KLHL18: variants seen among roughly 807,000 people sequenced by gnomAD.
KLHL18 encodes the protein kelch like family member 18, also known as kelch-like protein 18.
Under a neutral mutation model 58.5 loss-of-function variants are expected in KLHL18, and 38 were observed. That is an observed-to-expected ratio of 0.65 (90% CI 0.50 to 0.85). The LOEUF (loss-of-function observed/expected upper bound fraction) is 0.85, where lower values mean the gene tolerates loss of function less well. Ranked by LOEUF, KLHL18 falls within the 40% of genes least tolerant of loss-of-function variation. KLHL18 has a pLI of 0.00. For missense variants in KLHL18, 624 were observed against 778.4 expected (o/e 0.80, Z 2.36); for synonymous variants, 303 against 301.9 (o/e 1.00, Z -0.04).
In KLHL18 at chr3:47,334,431, GT is replaced by G. The variant is rs1009627714; in HGVS notation, c.762-247del. Among the ~76,000 whole-genome samples, 8 of 151,504 alleles carry G rather than the reference GT, an allele frequency of 5.3e-5. No individual in the cohort carries two copies. Among genetic ancestry groups the G allele is most frequent in the Non-Finnish European group, 1.2e-4 (8 of 67,824 alleles). The stretch of plus-strand genomic sequence containing the variant: ...GTCCAGCCATTTTGGCCACTACCTT[GT>G]TTTTCTCATGCCTAATCTACACTAG... On this transcript the variant is annotated intron_variant, in intron 5 of 9. Transcript: ENST00000232766. The surrounding 1 kb of genome is among the most constrained non-coding windows in gnomAD (Gnocchi z 4.7).
At chr3:47,320,056 T>A (rs1361917264) in intron 2 of KLHL18, among the ~76,000 whole-genome samples, 1 of 151,344 alleles carries the variant, frequency 6.6e-6, no homozygotes, top group Non-Finnish European at 1.5e-5. Flanking sequence ...TTTTTTTGAC[T>A]GGGGCTGGGT....
chr3:47,330,783 T>C (rs1267485261), intron 4 of KLHL18, among the ~76,000 whole-genome samples: 1 of 152,154 alleles, frequency 6.6e-6, no homozygotes, highest in Non-Finnish European at 1.5e-5. Flanking sequence ...CAAGCTGGAG[T>C]GCAGTGGTGC....
chr3:47,338,881 C>G (rs1482451615), intron 7 of KLHL18: 1 of 152,148 alleles, frequency 6.6e-6, no homozygotes, highest in African/African-American at 2.4e-5. Flanking sequence ...TTGTTAGAAA[C>G]CTAGATTCAT....
Position 47,334,762 on chromosome 3 carries a change from C to T in KLHL18, c.841C>T (p.Arg281Cys), listed in dbSNP as rs200414388. Residue 281 changes from arginine to cysteine, a missense_variant, in exon 6 of 10, where the codon CGC becomes TGC. Arg to Cys is a radical substitution (Grantham distance 180). Coordinates refer to ENST00000232766, the MANE Select transcript of KLHL18 (RefSeq NM_025010.5). The surrounding 1 kb of genome is among the most constrained non-coding windows in gnomAD (Gnocchi z 4.7). ...PHLPAFRTRP[R>C]CCTSIAGLIY... ...CCTGCCAGCTTTCAGAACCCGGCCA[C>T]GCTGCTGCACATCCATCGCTGGACT... 34 of 1,614,078 alleles carry T rather than the reference C, an allele frequency of 2.1e-5. No homozygotes were observed. In the Admixed American group the frequency reaches 5.0e-4, roughly 24 times the overall value.
chr3:47,315,249 AGAATTG>A (rs879793472), intron 1 of KLHL18, among the ~76,000 whole-genome samples: 16 of 152,176 alleles, frequency 1.1e-4, no homozygotes, highest in Non-Finnish European at 1.9e-4. Flanking sequence ...GAATTGTTCC[AGAATTG>A]GAGACACCAA....
intron 8 of KLHL18, among the ~76,000 whole-genome samples, chr3:47,342,449 G>T (rs1178994955): frequency 6.6e-6 from 1 of 152,260 alleles, no homozygotes; most frequent in Non-Finnish European, 1.5e-5. Flanking sequence ...AAGGCAGGGA[G>T]TGCAGGGAGG....
At chr3:47,304,907 C>G (rs1559490598) in intron 1 of KLHL18, among the ~76,000 whole-genome samples, 2 of 151,868 alleles carry the variant, frequency 1.3e-5, no homozygotes, top group African/African-American at 4.8e-5. Flanking sequence ...ACCTGTAGTC[C>G]CAACTACTTG....
intron 1 of KLHL18, among the ~76,000 whole-genome samples, chr3:47,311,740 C>T (rs1703306159): frequency 6.6e-6 from 1 of 152,150 alleles, no homozygotes; most frequent in African/African-American, 2.4e-5. Flanking sequence ...AACATATGAA[C>T]ATATAAGTTA....
intron 1 of KLHL18, among the ~76,000 whole-genome samples, chr3:47,305,512 C>T (rs1049900563): frequency 6.6e-6 from 1 of 151,692 alleles, no homozygotes; most frequent in African/African-American, 2.4e-5. Context: ...ATTCTGTTTG[C>T]TGATATTTTG....
At position 47,344,845 on chromosome 3, in the gene KLHL18, G is replaced by A. The variant is rs372620478; in HGVS notation, c.*904G>A. 4.6e-5 allele frequency: 7 copies of A among 152,780 alleles called. No homozygotes were observed. The highest frequency in any genetic ancestry group is 1.7e-4 in the African/African-American group (7 of 41,554). The allele number at this position is 152,780 out of a possible 1,614,324, so 9.5% of individuals were successfully genotyped here. A position where few individuals can be genotyped will look rare whatever the true frequency, so the allele number is the denominator to read the frequency against. On this transcript the variant is annotated 3_prime_UTR_variant, in exon 10 of 10. Transcript: ENST00000232766. ...GGGTTCCCTCTGAGCCCCAGTGTGTGTGGAATCAGTGCACTCTTGACTGGG... is the reference window on the plus strand; with the variant it reads ...GGGTTCCCTCTGAGCCCCAGTGTGTATGGAATCAGTGCACTCTTGACTGGG...
chr3:47,300,309 A>ATATATATATATGTG (rs1244173185), intron 1 of KLHL18, among the ~76,000 whole-genome samples: 1 of 144,404 alleles, frequency 6.9e-6, no homozygotes, highest in Non-Finnish European at 1.5e-5. Flanking sequence ...ATATATATAT[A>ATATATATATATGTG]TGTGTGTATA....
At chr3:47,319,217 T>A (rs1703526605) in intron 1 of KLHL18, among the ~76,000 whole-genome samples, 1 of 152,188 alleles carries the variant, frequency 6.6e-6, no homozygotes, top group Non-Finnish European at 1.5e-5. Flanking sequence ...TTTACTCTTC[T>A]TGAGGAGCAT....
rs1172374929 is a variant in KLHL18 at position 47,334,449 on chromosome 3, C to A, written c.762-234C>A. Among the ~76,000 whole-genome samples, 1 of 152,160 alleles carries A rather than the reference C, an allele frequency of 6.6e-6. No individual in the cohort carries two copies. Among genetic ancestry groups the A allele is most frequent in the Non-Finnish European group, 1.5e-5 (1 of 68,032 alleles). ...CTACCTTGTTTTTCTCATGCCTAATCTACACTAGCTGAGGTGGTCTTTGCT... is the reference window on the plus strand; with the variant it reads ...CTACCTTGTTTTTCTCATGCCTAATATACACTAGCTGAGGTGGTCTTTGCT... On this transcript the variant is annotated intron_variant, in intron 5 of 9. Coordinates refer to ENST00000232766, the MANE Select transcript of KLHL18 (RefSeq NM_025010.5). The surrounding 1 kb of genome is among the most constrained non-coding windows in gnomAD (Gnocchi z 4.7).
chr3:47,325,863 G>C (rs1368219628), intron 3 of KLHL18, among the ~76,000 whole-genome samples: 1 of 151,040 alleles, frequency 6.6e-6, no homozygotes, highest in Admixed American at 6.6e-5. Flanking sequence ...TCTGCCTCCC[G>C]AGCTCAAGCA....
At chr3:47,289,041 T>TA (rs1702737266) in intron 1 of KLHL18, among the ~76,000 whole-genome samples, 1 of 152,236 alleles carries the variant, frequency 6.6e-6, no homozygotes, top group Non-Finnish European at 1.5e-5. Flanking sequence ...AGATTTTATA[T>TA]ATTTATTTTT....
At chr3:47,296,237 G>A (rs974594762) in intron 1 of KLHL18, among the ~76,000 whole-genome samples, 4 of 152,304 alleles carry the variant, frequency 2.6e-5, no homozygotes, top group Admixed American at 6.5e-5. Context: ...TAGATGGTTC[G>A]AGTGTTTTTG....
intron 1 of KLHL18, among the ~76,000 whole-genome samples, chr3:47,296,523 T>C (rs1702900071): frequency 6.6e-6 from 1 of 152,144 alleles, no homozygotes; most frequent in Non-Finnish European, 1.5e-5. Context: ...CAATTATTAA[T>C]AATTATGAGA....
intron 1 of KLHL18, among the ~76,000 whole-genome samples, chr3:47,314,097 A>G (rs1703368929): frequency 1.3e-5 from 2 of 151,910 alleles, no homozygotes; most frequent in African/African-American, 4.8e-5. Context: ...GAGTGCAGTG[A>G]CAATTATAGC....
In KLHL18 at chr3:47,334,746, T is replaced by G. The variant is rs1205469844; in HGVS notation, c.825T>G (p.Ala275=). Residue 275 remains alanine (A), a synonymous_variant, in exon 6 of 10, where the codon GCT becomes GCG. Transcript: ENST00000232766. This position sits in a 1 kb window ranked among gnomAD's most constrained non-coding sequence, Gnocchi z 4.7. ...LMPERRPHLP[A]FRTRPRCCTS... The stretch of plus-strand genomic sequence containing the variant: ...CAGAGCGCCGGCCCCACCTGCCAGC[T>G]TTCAGAACCCGGCCACGCTGCTGCA... 6.2e-7 allele frequency: 1 copy of G among 1,614,068 alleles called. No individual in the cohort carries two copies. Among genetic ancestry groups the G allele is most frequent in the Admixed American group, 1.7e-5 (1 of 60,002 alleles).
Sources: gnomAD v4.1 joint callset for allele counts (sites outside exome capture counted in the v4.1 genomes callset) on GRCh38, gnomAD v4.1.1 for gene constraint, Gnocchi (gnomAD v3.1) non-coding constraint, MANE v1.5 for transcripts, NCBI Gene and HGNC (gene_info 2026-07-23, HGNC 2026-07-21) for gene names.